KIAA1217: variants seen among roughly 807,000 people sequenced by gnomAD.
The protein encoded by KIAA1217 is KIAA1217, also known as sickle tail protein homolog.
A neutral mutation model predicts 163.9 loss-of-function variants in KIAA1217; 88 were observed. That is an observed-to-expected ratio of 0.54 (90% confidence interval 0.45 to 0.64). KIAA1217 has a LOEUF of 0.64. KIAA1217 is among the 30% of genes least tolerant of loss of function. The pLI is 0.00. For synonymous variants in KIAA1217, 903 were observed against 923.1 expected (o/e 0.98, Z 0.39); for missense variants, 2,372 against 2,475.0 (o/e 0.96, Z 0.88).
At chr10:24,404,619 C>T (rs186803148) in intron 3 of KIAA1217, among the ~76,000 whole-genome samples, 1 of 150,064 alleles carries the variant, frequency 6.7e-6, no homozygotes, top group East Asian at 1.9e-4. Flanking sequence ...CCATGGGACC[C>T]AGCAACTGCA....
At chr10:23,985,287 A>G (rs1335061303) in intron 1 of KIAA1217, among the ~76,000 whole-genome samples, 1 of 152,186 alleles carries the variant, frequency 6.6e-6, no homozygotes, top group African/African-American at 2.4e-5. Flanking sequence ...AAACACTTTC[A>G]TATGTCAACT....
intron 1 of KIAA1217, among the ~76,000 whole-genome samples, chr10:23,987,628 TGTAC>T (rs1846040811): frequency 1.0e-5 from 1 of 96,524 alleles, no homozygotes; most frequent in Non-Finnish European, 2.6e-5. Flanking sequence ...TGTGTGTATG[TGTAC>T]GTGTGTGTGT....
intron 1 of KIAA1217, among the ~76,000 whole-genome samples, chr10:23,962,458 T>G (rs2131374974): frequency 6.6e-6 from 1 of 152,318 alleles, no homozygotes; most frequent in African/African-American, 2.4e-5. Flanking sequence ...TGTTGGAAAT[T>G]TTCCATAATA....
intron 2 of KIAA1217, among the ~76,000 whole-genome samples, chr10:24,377,324 G>A (rs1387585262): frequency 6.6e-6 from 1 of 152,166 alleles, no homozygotes; most frequent in Non-Finnish European, 1.5e-5. Flanking sequence ...GGAAAATCCA[G>A]TCTTACAGAC....
chr10:23,726,191 T>G (rs1407746778), intron 1 of KIAA1217, among the ~76,000 whole-genome samples: 2 of 152,090 alleles, frequency 1.3e-5, no homozygotes, highest in South Asian at 2.1e-4. Flanking sequence ...TTTTACAGTT[T>G]TCTTAGTGGT....
chr10:24,014,291 TG>T (rs1481161734), intron 2 of KIAA1217, among the ~76,000 whole-genome samples: 11 of 152,202 alleles, frequency 7.2e-5, no homozygotes, highest in African/African-American at 2.7e-4. Context: ...GCAAGAAAGA[TG>T]TTTTTACTAG....
chr10:24,060,366 G>GT (rs774598598), intron 2 of KIAA1217, among the ~76,000 whole-genome samples: 30 of 151,804 alleles, frequency 2.0e-4, no homozygotes, highest in Non-Finnish European at 4.0e-4. Context: ...TTCCCTTCTG[G>GT]TTTTTTCTTT....
At chr10:24,279,232 TG>T in intron 2 of KIAA1217, among the ~76,000 whole-genome samples, 1 of 147,792 alleles carries the variant, frequency 6.8e-6, no homozygotes, top group Admixed American at 6.8e-5. Context: ...GCATTTCTAG[TG>T]TCTGTTTTTT....
chr10:23,766,772 G>A (rs1156783112), intron 1 of KIAA1217, among the ~76,000 whole-genome samples: 5 of 151,548 alleles, frequency 3.3e-5, no homozygotes, highest in African/African-American at 7.3e-5. Context: ...TATTTTTAGC[G>A]GAGACGGGGT....
chr10:24,173,704 C>A (rs914788669), intron 2 of KIAA1217, among the ~76,000 whole-genome samples: 2 of 152,144 alleles, frequency 1.3e-5, no homozygotes, highest in African/African-American at 4.8e-5. Flanking sequence ...AATTGTTCCT[C>A]AATAATTCTA....
rs576027639 is a variant in KIAA1217 at position 23,936,927 on chromosome 10, G to A, written c.-320-70298G>A. Among the ~76,000 whole-genome samples, 8 of 152,166 alleles carry A rather than the reference G, an allele frequency of 5.3e-5. No homozygotes were observed. In the South Asian group the frequency reaches 1.7e-3, roughly 32 times the overall value. On this transcript the variant is annotated intron_variant, in intron 1 of 18. Coordinates refer to the KIAA1217 transcript ENST00000376462. Reference sequence around the variant, plus strand: ...AGTGTTTCTCTTTGTCACCCAGACTGGAGTGCAGTGGTGTCATCTCAGCTT... The same window carrying A: ...AGTGTTTCTCTTTGTCACCCAGACTAGAGTGCAGTGGTGTCATCTCAGCTT...
chr10:23,995,310 G>T (rs1359242251), intron 1 of KIAA1217, among the ~76,000 whole-genome samples: 4 of 152,076 alleles, frequency 2.6e-5, no homozygotes, highest in Non-Finnish European at 1.5e-5. Flanking sequence ...TTGGTAAATG[G>T]GAAAAAGAAA....
At chr10:23,801,187 A>C (rs936227885) in intron 1 of KIAA1217, among the ~76,000 whole-genome samples, 2 of 152,208 alleles carry the variant, frequency 1.3e-5, no homozygotes, top group Non-Finnish European at 2.9e-5. Context: ...GACATGGATG[A>C]AGCTGGAAAC....
At chr10:23,900,705 C>T (rs866206362) in intron 1 of KIAA1217, among the ~76,000 whole-genome samples, 13 of 152,084 alleles carry the variant, frequency 8.5e-5, no homozygotes, top group Admixed American at 2.6e-4. Flanking sequence ...ATCTGGGTTA[C>T]CTCTAAGGTA....
chr10:23,884,431 C>A (rs2131198030), intron 1 of KIAA1217, among the ~76,000 whole-genome samples: 1 of 152,022 alleles, frequency 6.6e-6, no homozygotes, highest in Non-Finnish European at 1.5e-5. Context: ...TGCGGATGTC[C>A]AGAGAAATCT....
At chr10:24,421,088 T>C (rs188395309) in intron 3 of KIAA1217, among the ~76,000 whole-genome samples, 47 of 152,272 alleles carry the variant, frequency 3.1e-4, no homozygotes, top group African/African-American at 1.1e-3. Context: ...CGTTGCCACC[T>C]CATGCCTCCT....
At chr10:23,839,216 GCTAT>G (rs1317360153) in intron 1 of KIAA1217, among the ~76,000 whole-genome samples, 1 of 151,856 alleles carries the variant, frequency 6.6e-6, no homozygotes, top group African/African-American at 2.4e-5. Flanking sequence ...ATAATTTCTT[GCTAT>G]CTTTCTTTTC....
chr10:24,375,777 G>C (rs955138910), intron 2 of KIAA1217, among the ~76,000 whole-genome samples: 1 of 152,202 alleles, frequency 6.6e-6, no homozygotes, highest in African/African-American at 2.4e-5. Context: ...TCACGGCAAT[G>C]TTGATTTTTC....
At chr10:23,875,381 C>G (rs1840638896) in intron 1 of KIAA1217, among the ~76,000 whole-genome samples, 2 of 151,930 alleles carry the variant, frequency 1.3e-5, no homozygotes, top group Admixed American at 6.6e-5. Context: ...CAGAATATAA[C>G]CCTTGACAAG....
Sources: allele counts gnomAD v4.1 joint callset (sites outside exome capture counted in the v4.1 genomes callset), GRCh38; gene constraint gnomAD v4.1.1; transcripts MANE v1.5; gene names NCBI Gene and HGNC (gene_info 2026-07-23, HGNC 2026-07-21).